Variants in ALPK1 observed in about 807,000 individuals in gnomAD.
The protein encoded by ALPK1 is alpha-protein kinase 1.
ALPK1 carries 110 observed loss-of-function variants against 120.6 expected under a neutral mutation model. The observed-to-expected ratio is 0.91, with a 90% confidence interval of 0.78 to 1.07. ALPK1 has a LOEUF of 1.07. Ranked by LOEUF, ALPK1 falls within the 50% of genes least tolerant of loss-of-function variation. The pLI, the probability that ALPK1 is intolerant of heterozygous loss-of-function variation, is 0.00. For missense variants in ALPK1, 1,498 were observed against 1,483.9 expected (o/e 1.01, Z -0.16); for synonymous variants, 582 against 560.3 (o/e 1.04, Z -0.55).
intron 4 of ALPK1, among the ~76,000 whole-genome samples, chr4:112,387,029 C>CA (rs1732183479): frequency 6.6e-6 from 1 of 152,176 alleles, no homozygotes; most frequent in African/African-American, 2.4e-5. Flanking sequence ...TATCATTCAG[C>CA]AAAACCTTTG....
chr4:112,347,509 G>C (rs12644051), intron 2 of ALPK1, among the ~76,000 whole-genome samples: 1 of 152,164 alleles, frequency 6.6e-6, no homozygotes, highest in East Asian at 1.9e-4. Context: ...AGGAAGGATG[G>C]AATGAATTCT....
intron 2 of ALPK1, among the ~76,000 whole-genome samples, chr4:112,323,491 G>A (rs901590017): frequency 6.6e-6 from 1 of 152,096 alleles, no homozygotes; most frequent in African/African-American, 2.4e-5. Context: ...GAAAATTTTG[G>A]TTAATTTGCA....
intron 1 of ALPK1, among the ~76,000 whole-genome samples, chr4:112,299,699 C>G (rs564541603): frequency 3.9e-5 from 6 of 152,222 alleles, no homozygotes; most frequent in Non-Finnish European, 7.4e-5. Context: ...TGTTCAATTT[C>G]CTAAGTATAG....
At chr4:112,408,218 A>C (rs2148746694) in intron 4 of ALPK1, among the ~76,000 whole-genome samples, 1 of 152,330 alleles carries the variant, frequency 6.6e-6, no homozygotes, top group African/African-American at 2.4e-5. Context: ...CAAGGTCCAT[A>C]GCCATAAGCA....
At chr4:112,350,481 C>T (rs778855109) in intron 2 of ALPK1, among the ~76,000 whole-genome samples, 3 of 152,192 alleles carry the variant, frequency 2.0e-5, no homozygotes, top group Admixed American at 6.5e-5. Flanking sequence ...ATTCTGACTC[C>T]GTTGGTATAA....
intron 2 of ALPK1, among the ~76,000 whole-genome samples, chr4:112,344,291 C>G (rs919933384): frequency 6.6e-6 from 1 of 152,190 alleles, no homozygotes; most frequent in East Asian, 1.9e-4. Flanking sequence ...AGAGCACGTT[C>G]CAGCCTGAAC....
At chr4:112,409,079 A>G (rs568424710) in intron 4 of ALPK1, among the ~76,000 whole-genome samples, 94 of 152,216 alleles carry the variant, frequency 6.2e-4, no homozygotes, top group Middle Eastern at 6.8e-3. Flanking sequence ...CTTTCTTCCT[A>G]TCCTTCAACA....
chr4:112,356,135 A>G (rs1208985341), intron 2 of ALPK1: 15 of 1,588,232 alleles, frequency 9.4e-6, no homozygotes, highest in African/African-American at 2.7e-5. Flanking sequence ...ACAGGCTGAT[A>G]TGCCCAAGAT....
intron 3 of ALPK1, among the ~76,000 whole-genome samples, chr4:112,379,809 T>C (rs534218533): frequency 6.6e-6 from 1 of 152,272 alleles, no homozygotes; most frequent in African/African-American, 2.4e-5. Context: ...GGAACTGAAA[T>C]CCAGAGATAC....
intron 12 of ALPK1, among the ~76,000 whole-genome samples, chr4:112,437,253 A>C (rs1028357267): frequency 2.0e-5 from 3 of 151,308 alleles, no homozygotes; most frequent in African/African-American, 7.3e-5. Flanking sequence ...TCATATACTT[A>C]GTGCAACTCT....
rs757280722 is a variant in ALPK1, at chr4:112,411,850, C to T, written c.300C>T (p.Leu100=). 1.2e-6 allele frequency: 2 copies of T among 1,613,148 alleles called. No individual in the cohort carries two copies. The part of the protein sequence containing the change: ...QLLASLRASI[L]ARDCAAAAAI... Reference sequence around the variant, plus strand: ...AGGCGTCCCTGAGGGCCTCCATCCTCGCTCGGGACTGTGCGGCTGCGGCGG... The same window carrying T: ...AGGCGTCCCTGAGGGCCTCCATCCTTGCTCGGGACTGTGCGGCTGCGGCGG... The change falls in exon 5 of 16, where the codon CTC becomes CTT. Residue 100 remains leucine, a synonymous_variant. Coordinates refer to ENST00000650871, the MANE Select transcript of ALPK1 (RefSeq NM_025144.4).
intron 1 of ALPK1, among the ~76,000 whole-genome samples, chr4:112,304,974 C>A (rs539433633): frequency 1.4e-3 from 220 of 152,132 alleles, no homozygotes; most frequent in African/African-American, 5.1e-3. Flanking sequence ...ATATGGCTAG[C>A]CAGTTTTCCC....
chr4:112,399,666 G>A (rs1239198006), intron 4 of ALPK1, among the ~76,000 whole-genome samples: 2 of 152,068 alleles, frequency 1.3e-5, no homozygotes, highest in Admixed American at 1.3e-4. Flanking sequence ...GTGCCATGGT[G>A]GTTTGCTGCA....
intron 4 of ALPK1, among the ~76,000 whole-genome samples, chr4:112,391,922 A>G (rs1171016012): frequency 1.3e-5 from 2 of 152,220 alleles, no homozygotes; most frequent in African/African-American, 4.8e-5. Flanking sequence ...TTAGTATGTA[A>G]GCCTGTGCCT....
chr4:112,423,798 T>C (rs1420655438), intron 5 of ALPK1, 146 bp from the exon 6 acceptor site: 1 of 779,712 alleles, frequency 1.3e-6, no homozygotes, highest in African/African-American at 1.7e-5. Flanking sequence ...GATGATGTCA[T>C]TGTTGATTTT....
At position 112,432,159 on chromosome 4, in the gene ALPK1, C is replaced by G. The variant is rs746243260; in HGVS notation, c.2612C>G (p.Ser871Cys). ...GTTCCCTGCACAAATGGGCACGGCTCTCATAGACTGTGCATTCTGAGACAG... is the reference window on the plus strand; with the variant it reads ...GTTCCCTGCACAAATGGGCACGGCTGTCATAGACTGTGCATTCTGAGACAG... ...MDVPCTNGHG[S>C]HRLCILRQPP... Residue 871 changes from serine to cysteine, a missense_variant, in exon 11 of 16, where the codon TCT becomes TGT. Physicochemically the swap from Ser to Cys is moderately radical, Grantham distance 112 (BLOSUM62 -1). Coordinates refer to ENST00000650871, the MANE Select transcript of ALPK1 (RefSeq NM_025144.4). 4 of 1,614,216 alleles carry G rather than the reference C, an allele frequency of 2.5e-6. No individual in the cohort carries two copies. The highest frequency in any genetic ancestry group is 1.1e-5 in the South Asian group (1 of 91,078).
At position 112,373,170 on chromosome 4, in the gene ALPK1, A is replaced by G. The variant is rs111599562; in HGVS notation, c.-100-4508A>G. Reference sequence around the variant, plus strand: ...CAATGCTAACCTCCCATTTTAGCCAATGTCTCCCTCTGTCAAGGAATGATG... The same window carrying G: ...CAATGCTAACCTCCCATTTTAGCCAGTGTCTCCCTCTGTCAAGGAATGATG... On this transcript the variant is annotated intron_variant, in intron 2 of 15. Coordinates refer to ENST00000650871, the MANE Select transcript of ALPK1 (RefSeq NM_025144.4). Among the ~76,000 whole-genome samples the G allele has an allele frequency of 2.7e-3, 415 of 152,354 alleles. 2 individuals carry two copies. Among genetic ancestry groups the G allele is most frequent in the African/African-American group, 9.4e-3 (392 of 41,594 alleles).
At chr4:112,369,915 G>T (rs948764772) in intron 2 of ALPK1, among the ~76,000 whole-genome samples, 5 of 152,004 alleles carry the variant, frequency 3.3e-5, no homozygotes, top group African/African-American at 1.2e-4. Context: ...TAAATTCCTT[G>T]ACAGTAAAGA....
intron 2 of ALPK1, among the ~76,000 whole-genome samples, chr4:112,346,293 G>C (rs1299242254): frequency 1.3e-5 from 2 of 152,110 alleles, no homozygotes; most frequent in Admixed American, 6.5e-5. Context: ...TTTTAAGAAA[G>C]GAAATTCATT....
Sources: gnomAD v4.1 joint callset for allele counts (sites outside exome capture counted in the v4.1 genomes callset) on GRCh38, gnomAD v4.1.1 for gene constraint, MANE v1.5 for transcripts, NCBI Gene and HGNC (gene_info 2026-07-23, HGNC 2026-07-21) for gene names.